Variants in TJP2 observed in about 807,000 individuals in gnomAD.
TJP2 encodes tight junction protein 2, also known as Friedreich ataxia region gene X104 (tight junction protein ZO-2).
A neutral mutation model predicts 133.1 loss-of-function variants in TJP2; 91 were observed. That is an observed-to-expected ratio of 0.68 (90% CI 0.58 to 0.81). The LOEUF (loss-of-function observed/expected upper bound fraction) is 0.81. TJP2 is among the 40% of genes least tolerant of loss of function. The pLI, the probability that TJP2 is intolerant of heterozygous loss-of-function variation, is 0.00. For synonymous variants in TJP2, 592 were observed against 583.4 expected, an observed-to-expected ratio of 1.01 and a Z score of -0.21; for missense variants, 1,541 against 1,565.6, an observed-to-expected ratio of 0.98 and a Z score of 0.26.
chr9:69,221,276 C>A lies in TJP2; in HGVS notation c.732C>A (p.Ser244Arg). Residue 244 changes from serine to arginine, a missense_variant, in exon 5 of 23, where the codon AGC (serine) becomes AGA (arginine). Ser to Arg is a moderately radical substitution (Grantham distance 110). Coordinates refer to ENST00000377245, the MANE Select transcript of TJP2 (RefSeq NM_004817.4). ...ACCGTGACCGCAGCCGCGGCCGGAG[C>A]ATTGACCAGGACTACGAGCGAGCCT... ...DRDRDRSRGR[S>R]IDQDYERAYH... 1 of 1,608,366 alleles carries A rather than the reference C, an allele frequency of 6.2e-7. No individual in the cohort carries two copies.
intron 1 of TJP2, among the ~76,000 whole-genome samples, chr9:69,201,798 A>G (rs562822229): frequency 6.6e-6 from 1 of 152,324 alleles, no homozygotes; most frequent in East Asian, 1.9e-4. Context: ...AACTTCTGAC[A>G]TACGCCGCCA....
At position 69,220,975 on chromosome 9, in the gene TJP2, A is replaced by G. The variant is rs762503120; in HGVS notation, c.431A>G (p.Asp144Gly). ...GATGACCGGGCTTTTGAGGTGATGG[A>G]CGAGTTTGATGGCAGAAGTTTCCGG... ...DQDDRAFEVM[D>G]EFDGRSFRSG... The change falls in exon 5 of 23, where the codon GAC becomes GGC. Residue 144 changes from aspartate (D) to glycine (G), a missense_variant. Transcript: ENST00000377245. 1.2e-6 allele frequency: 2 copies of G among 1,612,854 alleles called. No homozygotes were observed. Among genetic ancestry groups the G allele is most frequent in the South Asian group, 1.1e-5 (1 of 90,914 alleles).
intron 1 of TJP2, among the ~76,000 whole-genome samples, chr9:69,137,550 G>C (rs1319750740): frequency 6.6e-6 from 1 of 151,680 alleles, no homozygotes; most frequent in African/African-American, 2.4e-5. Flanking sequence ...TTTTTGTTGA[G>C]ATGGAGTTTT....
In TJP2 at chr9:69,176,920, TAA is replaced by T. The variant is rs1269074107; in HGVS notation, c.60+2492_60+2493del. 6.6e-5 allele frequency among the ~76,000 whole-genome samples: 10 copies of T among 151,038 alleles called. No homozygotes were observed. In the East Asian group the frequency reaches 1.4e-3, roughly 21 times the overall value. The stretch of plus-strand genomic sequence containing the variant: ...ATGTGTAGTAATATAAATAGTAATT[TAA>T]AAAGTCATGCAGACTTGGTTGGGGA... On this transcript the variant is annotated intron_variant, in intron 1 of 22. Coordinates refer to ENST00000377245, the MANE Select transcript of TJP2 (RefSeq NM_004817.4).
Position 69,225,302 on chromosome 9 carries a change from A to G in TJP2, c.953-2A>G, listed in dbSNP as rs1829252690. 2 of 1,604,900 alleles carry G rather than the reference A, an allele frequency of 1.2e-6. No homozygotes were observed. The highest frequency in any genetic ancestry group is 1.3e-5 in the African/African-American group (1 of 74,736). ...GTGTATGTTTATGTGTTTGTCTCCTAGAGTATGGTCTCCGGCTTGGGAGTC... is the reference window on the plus strand; with the variant it reads ...GTGTATGTTTATGTGTTTGTCTCCTGGAGTATGGTCTCCGGCTTGGGAGTC... On this transcript the variant is annotated splice_acceptor_variant, in intron 5 of 22. Coordinates refer to ENST00000377245, the MANE Select transcript of TJP2 (RefSeq NM_004817.4). LOFTEE classifies it high-confidence loss of function.
intron 1 of TJP2, among the ~76,000 whole-genome samples, chr9:69,188,664 A>AT (rs1440175769): frequency 6.6e-6 from 1 of 152,230 alleles, no homozygotes; most frequent in Non-Finnish European, 1.5e-5. Context: ...TCATTACTGT[A>AT]TGAGACCCCA....
chr9:69,174,404 C>T lies in TJP2; in HGVS notation c.32C>T (p.Pro11Leu), dbSNP rs145066365. The T allele has an allele frequency of 4.5e-6, 7 of 1,551,778 alleles. No individual in the cohort carries two copies. In the African/African-American group the frequency reaches 8.2e-5, roughly 18 times the overall value. The change falls in exon 1 of 23, where the codon CCC becomes CTC. Residue 11 changes from proline (P) to leucine (L), a missense_variant. Coordinates refer to ENST00000377245, the MANE Select transcript of TJP2 (RefSeq NM_004817.4). Reference protein sequence around the residue: MPVRGDRGFPPRRELSGWLRA... With the variant: MPVRGDRGFPLRRELSGWLRA... ...GTGCGAGGAGACCGCGGGTTTCCAC[C>T]CCGGCGGGAGCTGTCAGGTTGGCTC...
At position 69,163,292 on chromosome 9, in the gene TJP2, G is replaced by C. The variant is rs1472500492; in HGVS notation, c.-10+11521G>C. Among the ~76,000 whole-genome samples the C allele has an allele frequency of 6.9e-5, 3 of 43,766 alleles. 1 individual carries two copies. Among genetic ancestry groups the C allele is most frequent in the African/African-American group, 2.7e-4 (3 of 10,952 alleles). 28.7% of individuals were successfully genotyped at this position (43,766 alleles called of 152,430 possible). On this transcript the variant is annotated intron_variant, in intron 2 of 5. Coordinates refer to the TJP2 transcript ENST00000423935. ...TCCGCCCGCCTCGGCCTCCCAAAGT[G>C]CTGGGATTACAGGCGTGAGCCACCG...
intron 21 of TJP2, 52 bp from the exon 22 acceptor site, chr9:69,252,763 G>A (rs372013001): frequency 1.9e-6 from 3 of 1,545,664 alleles, no homozygotes; most frequent in South Asian, 1.1e-5. Flanking sequence ...CAAGCAGAGT[G>A]CCCAGTGGTT....
chr9:69,240,337 T>C (rs766859109), intron 17 of TJP2, among the ~76,000 whole-genome samples, 190 bp downstream of exon 17: 3 of 152,234 alleles, frequency 2.0e-5, no homozygotes, highest in African/African-American at 4.8e-5. Context: ...TAATTTTGTC[T>C]ATTTGAAAAT....
intron 1 of TJP2, among the ~76,000 whole-genome samples, chr9:69,207,534 G>A (rs1370011090): frequency 6.6e-6 from 1 of 152,186 alleles, no homozygotes; most frequent in Non-Finnish European, 1.5e-5. Flanking sequence ...GTGTCCTTGT[G>A]CATTTAGTCA....
At position 69,216,342 on chromosome 9, in the gene TJP2, T is replaced by TC; in HGVS notation, c.120dup (p.Lys41GlnfsTer18). On this transcript the variant is annotated frameshift_variant, in exon 3 of 23. Coordinates refer to ENST00000377245, the MANE Select transcript of TJP2 (RefSeq NM_004817.4). LOFTEE classifies it high-confidence loss of function. ...ATTTCTCCTCTCTGATGTACAGGAT[T>TC]CCAAAAGAGGATTTGGAATTGCAGT... 6.2e-7 allele frequency: 1 copy of TC among 1,614,180 alleles called. No homozygotes were observed. The highest frequency in any genetic ancestry group is 8.5e-7 in the Non-Finnish European group (1 of 1,180,024).
intron 2 of TJP2, among the ~76,000 whole-genome samples, chr9:69,164,472 T>G (rs952945173): frequency 3.9e-5 from 6 of 152,162 alleles, no homozygotes; most frequent in African/African-American, 1.2e-4. Context: ...GTGTTTTTCT[T>G]AAAGTATTTT....
At chr9:69,159,822 G>C (rs1177929292) in intron 2 of TJP2, among the ~76,000 whole-genome samples, 2 of 149,598 alleles carry the variant, frequency 1.3e-5, no homozygotes, top group African/African-American at 4.9e-5. Flanking sequence ...GTTGCAGTGA[G>C]CCACTGCACT....
At chr9:69,149,837 T>A (rs1226095826) in intron 1 of TJP2, among the ~76,000 whole-genome samples, 3 of 152,126 alleles carry the variant, frequency 2.0e-5, no homozygotes, top group Non-Finnish European at 4.4e-5. Context: ...TTCCTGCTGG[T>A]GAGCAACCCA....
At chr9:69,211,539 G>A (rs1439065359) in intron 1 of TJP2, among the ~76,000 whole-genome samples, 1 of 152,170 alleles carries the variant, frequency 6.6e-6, no homozygotes, top group Admixed American at 6.5e-5. Flanking sequence ...TTTGAGGGCT[G>A]TGTTTGAGTG....
At chr9:69,209,467 T>A (rs1827693239) in intron 1 of TJP2, among the ~76,000 whole-genome samples, 1 of 151,806 alleles carries the variant, frequency 6.6e-6, no homozygotes, top group South Asian at 2.1e-4. Flanking sequence ...TTAAGAAAAC[T>A]TTTTGGCCGG....
At position 69,237,130 on chromosome 9, in the gene TJP2, C is replaced by A; in HGVS notation, c.2173C>A (p.Arg725=). 6.2e-7 allele frequency: 1 copy of A among 1,613,994 alleles called. No individual in the cohort carries two copies. Among genetic ancestry groups the A allele is most frequent in the African/African-American group, 1.3e-5 (1 of 75,028 alleles). Residue 725 remains arginine (R), a synonymous_variant, in exon 14 of 23, where the codon CGA becomes AGA. Transcript: ENST00000377245. ...KFPAYERVLL[R]EAGFKRPVVL... ...CCCAGCTTATGAGAGGGTTTTGCTG[C>A]GAGAAGGTGAGGAAGTCACATGGGG...
Position 69,249,449 on chromosome 9 carries a change from T to G in TJP2, c.2955T>G (p.Asn985Lys). 1 of 1,610,468 alleles carries G rather than the reference T, an allele frequency of 6.2e-7. No individual in the cohort carries two copies. Among genetic ancestry groups the G allele is most frequent in the Non-Finnish European group, 8.5e-7 (1 of 1,178,146 alleles). ...CTAGCAGCGATCAACTTAGGGACAATAGCCCGCCCCCAGCATTCAAGCCAG... is the reference window on the plus strand; with the variant it reads ...CTAGCAGCGATCAACTTAGGGACAAGAGCCCGCCCCCAGCATTCAAGCCAG... Reference protein sequence around the residue: ...RAASSDQLRDNSPPPAFKPEP... With the variant: ...RAASSDQLRDKSPPPAFKPEP... Residue 985 changes from asparagine (N) to lysine (K), a missense_variant, in exon 20 of 23, where the codon AAT (asparagine) becomes AAG (lysine). Physicochemically the swap from Asn to Lys is moderately conservative, Grantham distance 94. Coordinates refer to ENST00000377245, the MANE Select transcript of TJP2 (RefSeq NM_004817.4).
Sources: allele counts gnomAD v4.1 joint callset (sites outside exome capture counted in the v4.1 genomes callset), GRCh38; gene constraint gnomAD v4.1.1; transcripts MANE v1.5; gene names NCBI Gene and HGNC (gene_info 2026-07-23, HGNC 2026-07-21).